The following GPC3 variants were observed in gnomAD, a reference collection of about 807,000 sequenced individuals.
GPC3 encodes glypican-3.
Under a neutral mutation model 34.4 loss-of-function variants are expected in GPC3, and 3 were observed. The observed-to-expected ratio is 0.09, with a 90% CI of 0.04 to 0.23. The LOEUF is 0.23. GPC3 is among the 10% of genes least tolerant of loss of function. GPC3 has a pLI of 1.00. For synonymous variants in GPC3, 177 were observed against 174.0 expected, an observed-to-expected ratio of 1.02 and a Z score of -0.13; for missense variants, 351 against 445.6, an observed-to-expected ratio of 0.79 and a Z score of 1.91.
chrX:133,935,800 T>C (rs1021767249), intron 2 of GPC3, among the ~76,000 whole-genome samples: 7 of 111,420 alleles, frequency 6.3e-5, no homozygotes, highest in African/African-American at 2.3e-4. Context: ...TTTTCAGGAC[T>C]ATATATGTTA....
chrX:133,953,977 T>C (rs913954466), intron 1 of GPC3, among the ~76,000 whole-genome samples: 1 of 112,410 alleles, frequency 8.9e-6, no homozygotes, highest in Non-Finnish European at 1.9e-5. Flanking sequence ...TGGAATTCTA[T>C]TTAGCCATAA....
chrX:133,853,297 C>G (rs1011882436), intron 2 of GPC3, among the ~76,000 whole-genome samples: 1 of 111,663 alleles, frequency 9.0e-6, no homozygotes, highest in Non-Finnish European at 1.9e-5. Context: ...CCCATAACAT[C>G]TTCTTCTTCT....
At chrX:133,871,325 C>G (rs922815064) in intron 2 of GPC3, among the ~76,000 whole-genome samples, 3 of 111,706 alleles carry the variant, frequency 2.7e-5, no homozygotes, top group Non-Finnish European at 5.6e-5. Flanking sequence ...TTGCTCATCC[C>G]CATCCATATA....
At chrX:133,745,068 G>C (rs752530349) in intron 3 of GPC3, among the ~76,000 whole-genome samples, 3 of 111,430 alleles carry the variant, frequency 2.7e-5, no homozygotes, top group African/African-American at 9.8e-5. Flanking sequence ...GTAGATAACA[G>C]GTTGATGGGT....
At chrX:133,654,387 G>A (rs2070631413) in intron 6 of GPC3, among the ~76,000 whole-genome samples, 1 of 110,903 alleles carries the variant, frequency 9.0e-6, no homozygotes, top group African/African-American at 3.3e-5. Flanking sequence ...AACTGCAAAC[G>A]TTTTAGGGAA....
chrX:133,787,049 T>A (rs2072108702), intron 2 of GPC3, among the ~76,000 whole-genome samples: 1 of 112,257 alleles, frequency 8.9e-6, no homozygotes, highest in African/African-American at 3.2e-5. Context: ...TGACATTTAA[T>A]ACTATTTATA....
At chrX:133,869,797 C>CA (rs369239185) in intron 2 of GPC3, among the ~76,000 whole-genome samples, 5,425 of 110,175 alleles carry the variant, frequency 0.049, 350 homozygotes, top group African/African-American at 0.17. Flanking sequence ...ACTAAAAATA[C>CA]AAAAAAAATT....
chrX:133,877,289 A>G (rs746120583), intron 2 of GPC3, among the ~76,000 whole-genome samples: 1 of 112,033 alleles, frequency 8.9e-6, no homozygotes, highest in African/African-American at 3.2e-5. Flanking sequence ...TTAAATCACT[A>G]TAGATCTGTC....
chrX:133,855,325 A>T (rs1377829852), intron 2 of GPC3, among the ~76,000 whole-genome samples: 1 of 109,153 alleles, frequency 9.2e-6, no homozygotes, highest in African/African-American at 3.3e-5. Flanking sequence ...CCTACACCCG[A>T]CTAATTTTTT....
At position 133,682,663 on chromosome X, in the gene GPC3, T is replaced by C. The variant is rs2205704; in HGVS notation, c.1292+9706A>G. ...CAAAGCACACAGCTGGTGTCTGAACTAGGATTAAAATATCCATCTGGGGCC... is the reference window on the plus strand; with the variant it reads ...CAAAGCACACAGCTGGTGTCTGAACCAGGATTAAAATATCCATCTGGGGCC... On this transcript the variant is annotated intron_variant, in intron 5 of 7. Coordinates refer to ENST00000370818, the MANE Select transcript of GPC3 (RefSeq NM_004484.4). Among the ~76,000 whole-genome samples the C allele has an allele frequency of 0.35, 39,015 of 111,004 alleles. 9,410 individuals are homozygous for C. Among genetic ancestry groups the C allele is most frequent in the African/African-American group, 0.87 (26,299 of 30,345 alleles).
intron 6 of GPC3, among the ~76,000 whole-genome samples, chrX:133,609,825 C>G (rs1316091279): frequency 8.9e-6 from 1 of 112,515 alleles, no homozygotes; most frequent in Non-Finnish European, 1.9e-5. Flanking sequence ...TTTGCCTAAA[C>G]TAACATTCAC....
intron 2 of GPC3, among the ~76,000 whole-genome samples, chrX:133,897,127 C>G (rs901775779): frequency 3.7e-5 from 4 of 107,721 alleles, no homozygotes; most frequent in Non-Finnish European, 7.7e-5. Context: ...AGGATGGTCT[C>G]GATCTCCGGA....
intron 2 of GPC3, among the ~76,000 whole-genome samples, chrX:133,857,616 G>T (rs2075910593): frequency 9.0e-6 from 1 of 111,364 alleles, no homozygotes; most frequent in African/African-American, 3.3e-5. Context: ...TAAGATGAAG[G>T]AAGCAGGTTG....
At chrX:133,788,120 A>ATG (rs1556306742) in intron 2 of GPC3, among the ~76,000 whole-genome samples, 1 of 81,821 alleles carries the variant, frequency 1.2e-5, no homozygotes, top group East Asian at 3.6e-4. Flanking sequence ...ATATATATAT[A>ATG]TATGTATGTA....
intron 2 of GPC3, among the ~76,000 whole-genome samples, chrX:133,812,081 A>G (rs2075668866): frequency 8.9e-6 from 1 of 112,388 alleles, no homozygotes; most frequent in East Asian, 2.8e-4. Context: ...ATTTAAACTA[A>G]TAAAGTAGTC....
intron 2 of GPC3, among the ~76,000 whole-genome samples, chrX:133,900,892 C>G (rs1433120739): frequency 3.6e-5 from 4 of 111,469 alleles, no homozygotes; most frequent in Non-Finnish European, 7.5e-5. Flanking sequence ...TCAGGGGGAA[C>G]TTTTTCACAG....
intron 2 of GPC3, among the ~76,000 whole-genome samples, chrX:133,767,917 T>C (rs1196510789): frequency 9.5e-6 from 1 of 105,014 alleles, no homozygotes; most frequent in Non-Finnish European, 1.9e-5. Flanking sequence ...CTGAGTTGTA[T>C]GTACGTGTGT....
chrX:133,568,880 C>T (rs2069602544), intron 7 of GPC3, among the ~76,000 whole-genome samples: 1 of 111,778 alleles, frequency 8.9e-6, no homozygotes, highest in South Asian at 3.8e-4. Context: ...AGAGATTAGA[C>T]TAAAGGCCGG....
At chrX:133,982,141 T>G (rs890149578) in intron 1 of GPC3, among the ~76,000 whole-genome samples, 3 of 112,541 alleles carry the variant, frequency 2.7e-5, no homozygotes, top group Non-Finnish European at 3.7e-5. Flanking sequence ...CTAGCTCACT[T>G]TCCTTGCCTA....
Sources: allele counts gnomAD v4.1 joint callset (sites outside exome capture counted in the v4.1 genomes callset), GRCh38; gene constraint gnomAD v4.1.1; transcripts MANE v1.5; gene names NCBI Gene and HGNC (gene_info 2026-07-23, HGNC 2026-07-21).